SETD3: variants seen among roughly 807,000 people sequenced by gnomAD.
SETD3 encodes the protein actin-histidine N-methyltransferase.
A neutral mutation model predicts 63.0 loss-of-function variants in SETD3; 19 were observed. That is an observed-to-expected ratio of 0.30 (90% CI 0.21 to 0.44). The LOEUF (loss-of-function observed/expected upper bound fraction) is 0.44. Ranked by LOEUF, SETD3 falls within the 20% of genes least tolerant of loss-of-function variation. The pLI, the probability that SETD3 is intolerant of heterozygous loss-of-function variation, is 1.00. For missense variants in SETD3, 587 were observed against 728.5 expected (o/e 0.81, Z 2.24); for synonymous variants, 286 against 264.1 (o/e 1.08, Z -0.80).
chr14:99,454,928 G>A (rs763005990), intron 6 of SETD3, among the ~76,000 whole-genome samples: 9 of 152,214 alleles, frequency 5.9e-5, no homozygotes, highest in Non-Finnish European at 8.8e-5. Flanking sequence ...CAGGCTAGTT[G>A]CTTTGATAAA....
intron 11 of SETD3, among the ~76,000 whole-genome samples, chr14:99,402,654 G>A (rs1032762291): frequency 2.7e-4 from 41 of 152,296 alleles, no homozygotes; most frequent in African/African-American, 9.6e-4. Context: ...TTGGCTTACT[G>A]TAGCCTTCAC....
intron 6 of SETD3, among the ~76,000 whole-genome samples, chr14:99,430,405 T>C (rs558716303): frequency 1.3e-5 from 2 of 152,348 alleles, no homozygotes; most frequent in South Asian, 2.1e-4. Flanking sequence ...TTTTCTAGTG[T>C]TTTCTATTCC....
At chr14:99,449,127 A>G (rs1894307032) in intron 6 of SETD3, among the ~76,000 whole-genome samples, 1 of 152,256 alleles carries the variant, frequency 6.6e-6, no homozygotes, top group Admixed American at 6.5e-5. Flanking sequence ...TAAATGTGGA[A>G]GAAGGGACAG....
intron 6 of SETD3, among the ~76,000 whole-genome samples, chr14:99,453,653 C>T (rs1479605221): frequency 2.0e-5 from 3 of 151,950 alleles, no homozygotes; most frequent in Admixed American, 1.3e-4. Context: ...GGTGAAGCCC[C>T]GTCTCTACTA....
At chr14:99,421,080 T>A in intron 6 of SETD3, among the ~76,000 whole-genome samples, 2 of 83,670 alleles carry the variant, frequency 2.4e-5, no homozygotes. Flanking sequence ...CCCCAACATC[T>A]CAATCTGCTG....
upstream of SETD3, among the ~76,000 whole-genome samples, chr14:99,483,291 A>G (rs1049140753): frequency 1.3e-5 from 2 of 152,100 alleles, no homozygotes; most frequent in Non-Finnish European, 2.9e-5. Flanking sequence ...GCTCACGCTT[A>G]TAATACCAGT....
upstream of SETD3, chr14:99,481,526 T>C: frequency 2.5e-6 from 1 of 398,612 alleles, no homozygotes. Flanking sequence ...CTCCCGCGTA[T>C]CTGGAGGTCG....
intron 1 of SETD3, among the ~76,000 whole-genome samples, chr14:99,479,681 T>C (rs767244709): frequency 6.6e-6 from 1 of 152,222 alleles, no homozygotes; most frequent in South Asian, 2.1e-4. Context: ...GCATTTATAG[T>C]GGCCTCATCA....
intron 6 of SETD3, among the ~76,000 whole-genome samples, chr14:99,428,574 A>T (rs1341780605): frequency 6.6e-6 from 1 of 152,100 alleles, no homozygotes; most frequent in East Asian, 1.9e-4. Flanking sequence ...TGAGCCAAGG[A>T]GGTGGAGTTT....
intron 1 of SETD3, among the ~76,000 whole-genome samples, chr14:99,466,342 T>C (rs1018736903): frequency 1.3e-5 from 2 of 152,204 alleles, no homozygotes; most frequent in African/African-American, 2.4e-5. Flanking sequence ...TTTTGCTCCA[T>C]GGGAAATCCC....
Position 99,413,942 on chromosome 14 carries a change from T to A in SETD3, c.676-8A>T. The stretch of plus-strand genomic sequence containing the variant: ...GTTGGCATGAGGATGGGTCTGGGAA[T>A]TAGAAGTTTTAGAAAGCAGAGGTGA... On this transcript the variant is annotated splice_region_variant and splice_polypyrimidine_tract_variant and intron_variant, in intron 6 of 12. Transcript: ENST00000331768. 1 of 1,612,452 alleles carries A rather than the reference T, an allele frequency of 6.2e-7. No individual in the cohort carries two copies. The highest frequency in any genetic ancestry group is 1.7e-5 in the Admixed American group (1 of 60,008).
intron 6 of SETD3, among the ~76,000 whole-genome samples, chr14:99,433,367 T>C (rs1431023077): frequency 1.3e-5 from 2 of 152,130 alleles, no homozygotes; most frequent in South Asian, 2.1e-4. Flanking sequence ...GTAAAATATA[T>C]TAATAATTTT....
intron 6 of SETD3, among the ~76,000 whole-genome samples, chr14:99,445,624 GCA>G (rs1287450215): frequency 6.6e-6 from 1 of 152,182 alleles, no homozygotes; most frequent in African/African-American, 2.4e-5. Flanking sequence ...TACAAGAATT[GCA>G]CAGTTCTTCA....
chr14:99,466,701 A>AG (rs1349972668), intron 1 of SETD3, among the ~76,000 whole-genome samples: 3 of 151,340 alleles, frequency 2.0e-5, no homozygotes, highest in Non-Finnish European at 2.9e-5. Flanking sequence ...CCGGCTGGAG[A>AG]GGGGGTCTCT....
intron 6 of SETD3, among the ~76,000 whole-genome samples, chr14:99,457,815 A>C (rs1393017499): frequency 1.3e-5 from 2 of 152,278 alleles, no homozygotes; most frequent in Non-Finnish European, 2.9e-5. Flanking sequence ...ACTTTCACTG[A>C]GAACAAATTA....
At chr14:99,440,626 C>T (rs1007406013) in intron 6 of SETD3, among the ~76,000 whole-genome samples, 2 of 151,636 alleles carry the variant, frequency 1.3e-5, no homozygotes, top group African/African-American at 4.8e-5. Flanking sequence ...GGAGCTTGTG[C>T]GTTTAAAGCA....
At chr14:99,456,607 A>T (rs1489025589) in intron 6 of SETD3, among the ~76,000 whole-genome samples, 1 of 152,188 alleles carries the variant, frequency 6.6e-6, no homozygotes, top group Non-Finnish European at 1.5e-5. Context: ...TATTACATAG[A>T]AGGTGGTATA....
chr14:99,405,758 C>A (rs966555009), intron 9 of SETD3, among the ~76,000 whole-genome samples: 8 of 152,306 alleles, frequency 5.3e-5, no homozygotes, highest in Non-Finnish European at 1.2e-4. Flanking sequence ...CAAGTTCTTC[C>A]TGTCCTTTTA....
intron 6 of SETD3, among the ~76,000 whole-genome samples, chr14:99,426,359 G>A (rs1373167575): frequency 6.6e-6 from 1 of 152,206 alleles, no homozygotes; most frequent in African/African-American, 2.4e-5. Context: ...GAAAAGCAGG[G>A]AGCAAGACAG....
Sources: allele counts gnomAD v4.1 joint callset (sites outside exome capture counted in the v4.1 genomes callset), GRCh38; gene constraint gnomAD v4.1.1; transcripts MANE v1.5; gene names NCBI Gene and HGNC (gene_info 2026-07-23, HGNC 2026-07-21).